Variants in GFRA1 observed in about 807,000 individuals in gnomAD.
The protein encoded by GFRA1 is GDNF family receptor alpha 1.
In GFRA1, 16 loss-of-function variants were observed where a neutral mutation model predicts 51.6. That is an observed-to-expected ratio of 0.31 (90% CI 0.21 to 0.47). The LOEUF is 0.47. GFRA1 is among the 20% of genes least tolerant of loss of function. GFRA1 has a pLI of 1.00. For synonymous variants in GFRA1, 270 were observed against 241.3 expected (o/e 1.12, Z -1.10); for missense variants, 530 against 594.3 (o/e 0.89, Z 1.13).
chr10:116,118,506 G>A (rs1009789434), intron 6 of GFRA1, among the ~76,000 whole-genome samples: 1 of 152,022 alleles, frequency 6.6e-6, no homozygotes, highest in African/African-American at 2.4e-5. Flanking sequence ...TCCAAACTAA[G>A]CTCCCCTTCT....
At chr10:116,254,661 A>G (rs1968683094) in intron 4 of GFRA1, among the ~76,000 whole-genome samples, 1 of 152,350 alleles carries the variant, frequency 6.6e-6, no homozygotes, top group African/African-American at 2.4e-5. Flanking sequence ...GACTTAAGTC[A>G]GAGGCATCCC....
rs569670329 is a variant in GFRA1, at chr10:116,116,279, G to A, written c.770+8942C>T. 7.9e-5 allele frequency among the ~76,000 whole-genome samples: 12 copies of A among 152,306 alleles called. 1 individual carries two copies. The East Asian group carries it at 1.4e-3, about 17-fold the overall frequency. On this transcript the variant is annotated intron_variant, in intron 6 of 10. Coordinates refer to ENST00000355422, the MANE Select transcript of GFRA1 (RefSeq NM_005264.8). ...TCAAGATGCAATCCACAAAATGGAG[G>A]GCTTCCTGATGATTAACATAATGGC... is the stretch of plus-strand genomic sequence containing the variant.
At chr10:116,211,028 G>A (rs998800932) in intron 5 of GFRA1, among the ~76,000 whole-genome samples, 4 of 152,192 alleles carry the variant, frequency 2.6e-5, no homozygotes, top group African/African-American at 9.7e-5. Flanking sequence ...ATGGGCCAAT[G>A]TGGGGTTAGG....
chr10:116,063,175 A>T lies in GFRA1; in HGVS notation c.*1223T>A, dbSNP rs1954906368. ...TCCCAATCAAAGCTGCCTTTGTCAG[A>T]TAACCTGAAAACCAAGGTACTGGAT... On this transcript the variant is annotated 3_prime_UTR_variant, in exon 11 of 11. Coordinates refer to ENST00000355422, the MANE Select transcript of GFRA1 (RefSeq NM_005264.8). 1 of 152,240 alleles carries T rather than the reference A, an allele frequency of 6.6e-6. No homozygotes were observed. Among genetic ancestry groups the T allele is most frequent in the African/African-American group, 2.4e-5 (1 of 41,468 alleles). The allele number at this position is 152,240 out of a possible 1,614,324, so 9.4% of individuals were successfully genotyped here.
chr10:116,159,606 G>A (rs994773429), intron 5 of GFRA1, among the ~76,000 whole-genome samples: 10 of 152,180 alleles, frequency 6.6e-5, no homozygotes, highest in African/African-American at 2.4e-4. Flanking sequence ...CCCTGGGTCT[G>A]GATGTGAATG....
chr10:116,101,547 TATAATA>T (rs1179389071), intron 6 of GFRA1, among the ~76,000 whole-genome samples: 4 of 151,968 alleles, frequency 2.6e-5, no homozygotes, highest in African/African-American at 7.3e-5. Flanking sequence ...ATAGAAAAAT[TATAATA>T]ATAATAATAT....
At chr10:116,157,327 G>T (rs1039409199) in intron 5 of GFRA1, among the ~76,000 whole-genome samples, 4 of 152,214 alleles carry the variant, frequency 2.6e-5, no homozygotes, top group Admixed American at 2.6e-4. Context: ...AAAGCTGCTA[G>T]ATCTGGGTAT....
intron 4 of GFRA1, among the ~76,000 whole-genome samples, chr10:116,226,978 G>A (rs1471859913): frequency 1.3e-5 from 2 of 152,160 alleles, no homozygotes; most frequent in African/African-American, 2.4e-5. Context: ...ATGGGGAGCG[G>A]CTGTAAATAC....
chr10:116,154,522 T>G (rs1246295194), intron 5 of GFRA1, among the ~76,000 whole-genome samples: 1 of 152,218 alleles, frequency 6.6e-6, no homozygotes, highest in Non-Finnish European at 1.5e-5. Flanking sequence ...TAATCCATGC[T>G]GACAGAAGGC....
chr10:116,145,131 A>C (rs572423608), intron 5 of GFRA1, among the ~76,000 whole-genome samples: 19 of 144,368 alleles, frequency 1.3e-4, no homozygotes, highest in African/African-American at 4.9e-4. Flanking sequence ...CCTGGGCGAC[A>C]GAACGAGACT....
intron 5 of GFRA1, among the ~76,000 whole-genome samples, chr10:116,148,977 T>G (rs898307608): frequency 7.2e-5 from 11 of 152,178 alleles, no homozygotes; most frequent in Non-Finnish European, 1.5e-4. Context: ...ACACTGGGTC[T>G]AAGGACTGTT....
chr10:116,259,724 A>T (rs1969159746), intron 4 of GFRA1, among the ~76,000 whole-genome samples: 1 of 152,220 alleles, frequency 6.6e-6, no homozygotes, highest in Non-Finnish European at 1.5e-5. Context: ...TTAAAATTTC[A>T]TCACTAACAG....
chr10:116,096,591 A>T, intron 7 of GFRA1, 64 bp downstream of exon 7: 1 of 879,594 alleles, frequency 1.1e-6, no homozygotes, highest in Non-Finnish European at 1.9e-6. Flanking sequence ...GCAAGGCGCA[A>T]TGGAAAGAAC....
intron 4 of GFRA1, among the ~76,000 whole-genome samples, chr10:116,230,007 T>C (rs143389053): frequency 6.6e-6 from 1 of 152,158 alleles, no homozygotes; most frequent in Admixed American, 6.5e-5. Context: ...GTGTCTTTGA[T>C]TCAAGCTTCC....
intron 5 of GFRA1, among the ~76,000 whole-genome samples, chr10:116,194,964 C>T (rs1226435356): frequency 3.3e-5 from 5 of 152,168 alleles, no homozygotes; most frequent in Admixed American, 6.5e-5. Context: ...CAGCGTTTAT[C>T]GTGCAGGCCA....
At chr10:116,163,977 C>A (rs1293330563) in intron 5 of GFRA1, among the ~76,000 whole-genome samples, 2 of 152,120 alleles carry the variant, frequency 1.3e-5, no homozygotes, top group African/African-American at 4.8e-5. Flanking sequence ...ATAAATGGTC[C>A]CATCGAACCC....
At chr10:116,116,211 C>A (rs1957406584) in intron 6 of GFRA1, among the ~76,000 whole-genome samples, 1 of 152,226 alleles carries the variant, frequency 6.6e-6, no homozygotes, top group Non-Finnish European at 1.5e-5. Context: ...TCTCCTACCT[C>A]AGCCTCTGGA....
chr10:116,237,286 C>T (rs1966945198), intron 4 of GFRA1, among the ~76,000 whole-genome samples: 1 of 152,180 alleles, frequency 6.6e-6, no homozygotes, highest in Non-Finnish European at 1.5e-5. Flanking sequence ...TAGCATTCAG[C>T]TCTCTGGTTG....
Position 116,063,317 on chromosome 10 carries a change from TTC to T in GFRA1, c.*1079_*1080del, listed in dbSNP as rs1415006861. 6.6e-6 allele frequency: 1 copy of T among 152,264 alleles called. No individual in the cohort carries two copies. Among genetic ancestry groups the T allele is most frequent in the African/African-American group, 2.4e-5 (1 of 41,462 alleles). 9.4% of individuals were successfully genotyped at this position (152,264 alleles called of 1,614,324 possible). ...AATGACAAAAGACAATGCTTGTCTG[TTC>T]TGTTTCCTCCTGCCTGTCCACAGTC... On this transcript the variant is annotated 3_prime_UTR_variant, in exon 11 of 11. Coordinates refer to ENST00000355422, the MANE Select transcript of GFRA1 (RefSeq NM_005264.8).
Sources: gnomAD v4.1 joint callset for allele counts (sites outside exome capture counted in the v4.1 genomes callset) on GRCh38, gnomAD v4.1.1 for gene constraint, MANE v1.5 for transcripts, NCBI Gene and HGNC (gene_info 2026-07-23, HGNC 2026-07-21) for gene names.